MTM1: variants seen among roughly 807,000 people sequenced by gnomAD.
The protein encoded by MTM1 is myotubularin.
In MTM1, 9 loss-of-function variants were observed where a neutral mutation model predicts 52.1. The ratio of observed to expected loss-of-function variants is 0.17; its 90% CI spans 0.10 to 0.30. MTM1 has a LOEUF of 0.30. Ranked by LOEUF, MTM1 falls within the 10% of genes least tolerant of loss-of-function variation. The probability of loss-of-function intolerance (pLI) is 1.00; values close to 1 mark genes in which losing one functional copy is unlikely to be tolerated. For missense variants in MTM1, 277 were observed against 470.7 expected (o/e 0.59, Z 3.81); for synonymous variants, 136 against 163.8 (o/e 0.83, Z 1.29).
At position 150,641,253 on chromosome X, in the gene MTM1, C is replaced by T; in HGVS notation, c.529-16C>T. The T allele has an allele frequency of 8.3e-7, 1 of 1,210,745 alleles. No homozygotes were observed. The highest frequency in any genetic ancestry group is 1.1e-6 in the Non-Finnish European group (1 of 895,040). ...GGTCAAGCAATACTGACTTGAATTT[C>T]TTTTTTTCCTCACAGGGCTTGCCCA... On this transcript the variant is annotated splice_polypyrimidine_tract_variant and intron_variant, in intron 7 of 14. Coordinates refer to ENST00000370396, the MANE Select transcript of MTM1 (RefSeq NM_000252.3).
At chrX:150,651,007 T>C (rs1023617226) in intron 10 of MTM1, among the ~76,000 whole-genome samples, 2 of 111,519 alleles carry the variant, frequency 1.8e-5, no homozygotes, top group Non-Finnish European at 3.8e-5. Context: ...ATCCTTCCAC[T>C]TTCTTCAAGG....
rs1603196546 is a variant in MTM1 at position 150,649,778 on chromosome X, C to T, written c.930C>T (p.Asp310=). The change falls in exon 10 of 15, where the codon GAC becomes GAT. Residue 310 remains aspartate, a synonymous_variant. Coordinates refer to ENST00000370396, the MANE Select transcript of MTM1 (RefSeq NM_000252.3). ...ATAACGCCGAACTTTTCTTCTTAGA[C>T]ATTCATAATATTCATGTTATGCGGG... ...AYHNAELFFL[D]IHNIHVMRES... The T allele has an allele frequency of 3.3e-6, 4 of 1,209,026 alleles. No homozygotes were observed. The highest frequency in any genetic ancestry group is 4.6e-4 in the Middle Eastern group (2 of 4,335).
At position 150,657,980 on chromosome X, in the gene MTM1, A is replaced by G. The variant is rs373788741; in HGVS notation, c.1213A>G (p.Ile405Val). The G allele has an allele frequency of 6.0e-5, 72 of 1,209,507 alleles. No individual in the cohort carries two copies. Among genetic ancestry groups the G allele is most frequent in the Middle Eastern group, 4.6e-4 (2 of 4,374 alleles). The change falls in exon 11 of 15, where the codon ATA becomes GTA. Residue 405 changes from isoleucine (I) to valine (V), a missense_variant. Around this residue, in one of 4 missense-constraint regions of MTM1, gnomAD observed 59 missense variants for 107.8 expected, o/e 0.55. Coordinates refer to ENST00000370396, the MANE Select transcript of MTM1 (RefSeq NM_000252.3). ...CTATAGGAGCATTGAAGGGTTCGAA[A>G]TACTGGTACAAAAAGAATGGATAAG... Reference protein sequence around the residue: ...SFYRSIEGFEILVQKEWISFG... With the variant: ...SFYRSIEGFEVLVQKEWISFG...
rs2039787206 is a variant in MTM1 at position 150,638,372 on chromosome X, C to A, written c.445-571C>A. Among the ~76,000 whole-genome samples, 3 of 110,905 alleles carry A rather than the reference C, an allele frequency of 2.7e-5. No homozygotes were observed. The Admixed American group carries it at 2.9e-4, about 11-fold the overall frequency. ...TGGTATTTGAAGCTATCAAATGTAT[C>A]AACAGCACGTTGAGGGTGAGTATAT... On this transcript the variant is annotated intron_variant, in intron 6 of 14. Transcript: ENST00000370396.
At chrX:150,565,993 TACACACAC>T (rs782745793), upstream of MTM1, among the ~76,000 whole-genome samples, 40 of 88,444 alleles carry the variant, frequency 4.5e-4, no homozygotes, top group Middle Eastern at 5.8e-3. Context: ...TGAAGATTCC[TACACACAC>T]ACACACACAC....
chrX:150,575,783 G>A (rs1202449821), intron 1 of MTM1, among the ~76,000 whole-genome samples: 15 of 110,883 alleles, frequency 1.4e-4, no homozygotes, highest in Admixed American at 7.6e-4. Context: ...CATTTTTTTC[G>A]GTCATAAGTG....
At chrX:150,632,275 T>C (rs1295008960) in intron 6 of MTM1, among the ~76,000 whole-genome samples, 2 of 111,780 alleles carry the variant, frequency 1.8e-5, no homozygotes, top group Admixed American at 1.9e-4. Flanking sequence ...AATTGACATG[T>C]CATACTGAAG....
At chrX:150,575,790 A>C (rs2038462431) in intron 1 of MTM1, among the ~76,000 whole-genome samples, 1 of 111,227 alleles carries the variant, frequency 9.0e-6, no homozygotes, top group South Asian at 3.8e-4. Context: ...TTCGGTCATA[A>C]GTGGATGTTG....
At chrX:150,624,441 C>G (rs73250561) in intron 6 of MTM1, among the ~76,000 whole-genome samples, 1,992 of 110,948 alleles carry the variant, frequency 0.018, 11 homozygotes, top group Non-Finnish European at 0.027. Context: ...CTGAACAGAG[C>G]CTGATAGTGC....
At chrX:150,652,001 G>A (rs1200228199) in intron 10 of MTM1, among the ~76,000 whole-genome samples, 1 of 110,882 alleles carries the variant, frequency 9.0e-6, no homozygotes, top group African/African-American at 3.3e-5. Flanking sequence ...GGGTGTGAGT[G>A]AGAAAATAGA....
In MTM1 at chrX:150,638,812, A is replaced by T. The variant is rs1239978822; in HGVS notation, c.445-131A>T. The T allele has an allele frequency of 1.6e-5, 8 of 489,234 alleles. No individual in the cohort carries two copies. In the African/African-American group the frequency reaches 1.9e-4, roughly 12 times the overall value. 40.3% of individuals were successfully genotyped at this position (489,234 alleles called of 1,213,427 possible). ...GTTTTTTTTTGTTGTTGTTGTTATA[A>T]GCCTTGGTGTGGGTTGTAATTTCAT... On this transcript the variant is annotated intron_variant, in intron 6 of 14. Transcript: ENST00000370396.
chrX:150,649,358 C>G (rs1037852695), intron 9 of MTM1, among the ~76,000 whole-genome samples: 4 of 112,489 alleles, frequency 3.6e-5, no homozygotes, highest in Admixed American at 9.4e-5. Flanking sequence ...CCGCCTTCCC[C>G]CTGAAGAGTA....
intron 9 of MTM1, among the ~76,000 whole-genome samples, chrX:150,647,784 G>A (rs1482889076): frequency 9.0e-6 from 1 of 111,704 alleles, no homozygotes; most frequent in Non-Finnish European, 1.9e-5. Flanking sequence ...AACAAGCAAC[G>A]GCACATCATT....
At chrX:150,621,970 G>T (rs1307731719) in intron 6 of MTM1, among the ~76,000 whole-genome samples, 1 of 111,071 alleles carries the variant, frequency 9.0e-6, no homozygotes, top group Admixed American at 9.6e-5. Flanking sequence ...TCTTGAACTC[G>T]GGTTAGTAGA....
At chrX:150,574,875 A>G (rs782032159) in intron 1 of MTM1, among the ~76,000 whole-genome samples, 1 of 112,088 alleles carries the variant, frequency 8.9e-6, no homozygotes, top group East Asian at 2.8e-4. Context: ...CTTTTACATC[A>G]GGTCTCATAT....
chrX:150,609,718 A>G (rs1280001981), intron 4 of MTM1, among the ~76,000 whole-genome samples: 1 of 111,323 alleles, frequency 9.0e-6, no homozygotes, highest in Non-Finnish European at 1.9e-5. Context: ...AAGCTGATTC[A>G]TCTTTGAGTC....
chrX:150,626,250 A>T (rs1421088247), intron 6 of MTM1, among the ~76,000 whole-genome samples: 1 of 112,266 alleles, frequency 8.9e-6, no homozygotes, highest in Non-Finnish European at 1.9e-5. Context: ...ATCTTTTATG[A>T]TCATTTGAAT....
intron 1 of MTM1, among the ~76,000 whole-genome samples, chrX:150,577,133 C>G (rs1569565292): frequency 8.9e-6 from 1 of 111,849 alleles, no homozygotes. Context: ...TGTGTTGTTG[C>G]ATGTATCAGC....
rs1280895666 is a variant in MTM1 at position 150,672,761 on chromosome X, A to G, written c.*1166A>G. ...TTTATTAAGTATATTTGTAAAAGCTAAGGCTCGAGTTAAAACAATGAAGTG... is the reference window on the plus strand; with the variant it reads ...TTTATTAAGTATATTTGTAAAAGCTGAGGCTCGAGTTAAAACAATGAAGTG... On this transcript the variant is annotated 3_prime_UTR_variant, in exon 15 of 15. Coordinates refer to ENST00000370396, the MANE Select transcript of MTM1 (RefSeq NM_000252.3). The G allele has an allele frequency of 1.8e-5, 2 of 112,312 alleles. No individual in the cohort carries two copies. The highest frequency in any genetic ancestry group is 3.2e-5 in the African/African-American group (1 of 30,946). 9.3% of individuals were successfully genotyped at this position (112,312 alleles called of 1,213,427 possible).
Sources: allele counts gnomAD v4.1 joint callset (sites outside exome capture counted in the v4.1 genomes callset), GRCh38; gene constraint gnomAD v4.1.1; regional missense constraint gnomAD v4.1.1; transcripts MANE v1.5; gene names NCBI Gene and HGNC (gene_info 2026-07-23, HGNC 2026-07-21).